Variants in CHN1 observed in about 807,000 individuals in gnomAD.
CHN1 encodes the protein N-chimaerin.
CHN1 carries 37 observed loss-of-function variants against 59.5 expected under a neutral mutation model. The observed-to-expected ratio is 0.62, with a 90% confidence interval of 0.48 to 0.82. CHN1 has a LOEUF of 0.82. CHN1 is among the 40% of genes least tolerant of loss of function. CHN1 has a pLI of 0.00. For missense variants in CHN1, 469 were observed against 571.0 expected (o/e 0.82, Z 1.82); for synonymous variants, 206 against 200.4 (o/e 1.03, Z -0.24).
chr2:174,980,941 T>C (rs1691128714), intron 1 of CHN1, among the ~76,000 whole-genome samples: 1 of 152,126 alleles, frequency 6.6e-6, no homozygotes, highest in Non-Finnish European at 1.5e-5. Flanking sequence ...TCAAGCTAAT[T>C]TGCAAATTTA....
intron 1 of CHN1, among the ~76,000 whole-genome samples, chr2:174,960,168 T>C (rs983059183): frequency 6.6e-6 from 1 of 152,218 alleles, no homozygotes; most frequent in African/African-American, 2.4e-5. Context: ...TCATGCCAGT[T>C]CCTTCTGCAT....
rs528901800 is a variant in CHN1, at chr2:174,903,828, C to CG, written c.260+11229dup. Among the ~76,000 whole-genome samples, 673 of 152,022 alleles carry CG rather than the reference C, an allele frequency of 4.4e-3. 6 individuals are homozygous for CG. Among genetic ancestry groups the CG allele is most frequent in the African/African-American group, 0.015 (634 of 41,482 alleles). Reference sequence around the variant, plus strand: ...ATTTGGCTTTTTTCTTTTGAGACTACGGGGGTGGAAAGTTAACCCTTGAGA... The same window carrying CG: ...ATTTGGCTTTTTTCTTTTGAGACTACGGGGGGTGGAAAGTTAACCCTTGAGA... On this transcript the variant is annotated intron_variant, in intron 5 of 12. Transcript: ENST00000409900.
At chr2:174,877,381 TAC>T (rs1228007343) in intron 6 of CHN1, among the ~76,000 whole-genome samples, 6 of 151,924 alleles carry the variant, frequency 3.9e-5, no homozygotes, top group African/African-American at 7.2e-5. Context: ...TGTGTATACA[TAC>T]ACACACACAT....
intron 5 of CHN1, among the ~76,000 whole-genome samples, chr2:174,902,985 C>T (rs1336167184): frequency 6.6e-6 from 1 of 152,140 alleles, no homozygotes; most frequent in African/African-American, 2.4e-5. Context: ...TGCATTTTAT[C>T]ATTTTCTAAG....
chr2:174,906,014 G>A (rs1225440705), intron 5 of CHN1, among the ~76,000 whole-genome samples: 1 of 152,082 alleles, frequency 6.6e-6, no homozygotes, highest in Admixed American at 6.5e-5. Flanking sequence ...ATACACTGCT[G>A]GTGGGACTAT....
At chr2:174,846,434 G>T (rs1686518838) in intron 7 of CHN1, 2 of 1,531,768 alleles carry the variant, frequency 1.3e-6, no homozygotes, top group South Asian at 1.2e-5. Context: ...AGAAAAGACA[G>T]AAACTATGAG....
intron 4 of CHN1, among the ~76,000 whole-genome samples, chr2:174,916,531 G>A (rs988024308): frequency 1.3e-5 from 2 of 152,120 alleles, no homozygotes; most frequent in African/African-American, 4.8e-5. Flanking sequence ...ACTTGAATTT[G>A]GAATGATACA....
chr2:174,852,249 A>AC (rs1173681121), intron 6 of CHN1, among the ~76,000 whole-genome samples: 1 of 152,166 alleles, frequency 6.6e-6, no homozygotes, highest in Admixed American at 6.6e-5. Flanking sequence ...AGATTGCACC[A>AC]CAGGACTCCA....
intron 1 of CHN1, among the ~76,000 whole-genome samples, chr2:174,962,747 T>C (rs1437489811): frequency 3.2e-5 from 4 of 123,756 alleles, no homozygotes; most frequent in African/African-American, 1.2e-4. Flanking sequence ...CGGCCTCTAC[T>C]AAAAATACAA....
chr2:175,005,270 G>A lies in CHN1; in HGVS notation c.-358C>T. On this transcript the variant is annotated 5_prime_UTR_variant, in exon 1 of 13. Transcript: ENST00000409900. The stretch of plus-strand genomic sequence containing the variant: ...GGAGAGGCGGCGCCGCACTGGCGGC[G>A]GCGGCGGCGGCGACGGGGAGAGCAG... The A allele has an allele frequency of 2.6e-6, 3 of 1,159,362 alleles. No individual in the cohort carries two copies. The highest frequency in any genetic ancestry group is 2.1e-5 in the South Asian group (1 of 47,490). The allele number at this position is 1,159,362 out of a possible 1,614,324, so 71.8% of individuals were successfully genotyped here. A position where few individuals can be genotyped will look rare whatever the true frequency, so the allele number is the denominator to read the frequency against.
chr2:175,000,712 G>C (rs1242938949), intron 1 of CHN1, among the ~76,000 whole-genome samples: 1 of 152,062 alleles, frequency 6.6e-6, no homozygotes, highest in Non-Finnish European at 1.5e-5. Context: ...CCAAAATGCT[G>C]GTATTACAGG....
chr2:174,975,077 C>G (rs1261494200), intron 1 of CHN1, among the ~76,000 whole-genome samples: 2 of 152,118 alleles, frequency 1.3e-5, no homozygotes, highest in African/African-American at 4.8e-5. Context: ...AAGAAAACCC[C>G]TGGTGGCAAA....
chr2:174,948,779 C>T (rs554590365), intron 2 of CHN1, among the ~76,000 whole-genome samples: 21 of 152,130 alleles, frequency 1.4e-4, no homozygotes, highest in Non-Finnish European at 2.6e-4. Flanking sequence ...GGTGTGCCAC[C>T]TTACATGAAT....
At chr2:174,920,406 C>T (rs1574165706) in intron 3 of CHN1, among the ~76,000 whole-genome samples, 1 of 152,094 alleles carries the variant, frequency 6.6e-6, no homozygotes, top group African/African-American at 2.4e-5. Context: ...GATTACGTAA[C>T]TTATTCAAGG....
chr2:174,986,914 T>C (rs1040563136), intron 1 of CHN1, among the ~76,000 whole-genome samples: 1 of 152,120 alleles, frequency 6.6e-6, no homozygotes, highest in South Asian at 2.1e-4. Context: ...TTTTTTGTAT[T>C]TTTAGTAGAG....
At chr2:174,821,978 C>G (rs541655269) in intron 8 of CHN1, among the ~76,000 whole-genome samples, 1 of 152,302 alleles carries the variant, frequency 6.6e-6, no homozygotes, top group South Asian at 2.1e-4. Context: ...CTTATCACAG[C>G]TAGTGTGCAC....
chr2:174,965,840 T>A (rs1303979024), intron 1 of CHN1, among the ~76,000 whole-genome samples: 1 of 152,186 alleles, frequency 6.6e-6, no homozygotes, highest in Non-Finnish European at 1.5e-5. Flanking sequence ...CTTAAACTCT[T>A]ATTTGACTAT....
At chr2:174,866,121 A>G (rs1687208777) in intron 6 of CHN1, among the ~76,000 whole-genome samples, 1 of 152,212 alleles carries the variant, frequency 6.6e-6, no homozygotes, top group Non-Finnish European at 1.5e-5. Context: ...AAGTGTTTCT[A>G]TTTAAAGAGT....
At chr2:174,905,700 G>A (rs1182440868) in intron 5 of CHN1, among the ~76,000 whole-genome samples, 1 of 152,046 alleles carries the variant, frequency 6.6e-6, no homozygotes, top group Non-Finnish European at 1.5e-5. Flanking sequence ...GAGAAGCTGG[G>A]ACTACAGCTA....
Sources: allele counts gnomAD v4.1 joint callset (sites outside exome capture counted in the v4.1 genomes callset), GRCh38; gene constraint gnomAD v4.1.1; transcripts MANE v1.5; gene names NCBI Gene and HGNC (gene_info 2026-07-23, HGNC 2026-07-21).